The following KCNK12 variants were observed in gnomAD, a reference collection of about 807,000 sequenced individuals.
The protein encoded by KCNK12 is potassium channel subfamily K member 12.
A neutral mutation model predicts 25.3 loss-of-function variants in KCNK12; 6 were observed. The observed-to-expected ratio is 0.24, with a 90% confidence interval of 0.13 to 0.47. The LOEUF (loss-of-function observed/expected upper bound fraction) is 0.47. Ranked by LOEUF, KCNK12 falls within the 20% of genes least tolerant of loss-of-function variation. The probability of loss-of-function intolerance (pLI) is 0.99; values close to 1 mark genes in which losing one functional copy is unlikely to be tolerated. For missense variants in KCNK12, 444 were observed against 661.7 expected (o/e 0.67, Z 3.61); for synonymous variants, 331 against 311.1 (o/e 1.06, Z -0.67).
intron 1 of KCNK12, chr2:47,563,696 G>A (rs1165804808): frequency 4.3e-6 from 1 of 232,908 alleles, no homozygotes; most frequent in Non-Finnish European, 8.5e-6. Context: ...CAGCAGCTCT[G>A]CTCCTATTTG....
chr2:47,521,389 G>C lies in KCNK12; in HGVS notation c.811C>G (p.Arg271Gly). 6.2e-7 allele frequency: 1 copy of C among 1,613,550 alleles called. No individual in the cohort carries two copies. The highest frequency in any genetic ancestry group is 2.2e-5 in the East Asian group (1 of 44,852). Residue 271 changes from arginine to glycine, a missense_variant, in exon 2 of 2, where the codon CGG becomes GGG. By Grantham distance (125) the Arg-to-Gly change is moderately radical. Around this residue, in one of 8 missense-constraint regions of KCNK12, gnomAD observed 56 missense variants for 135.7 expected, o/e 0.41. Coordinates refer to ENST00000327876, the MANE Select transcript of KCNK12 (RefSeq NM_022055.2). ...CCCAGGCGGTAGAGCCCCTGGTTCCGGTAGGCGGCGTGCTGGCTGCTCACC... is the reference window on the plus strand; with the variant it reads ...CCCAGGCGGTAGAGCCCCTGGTTCCCGTAGGCGGCGTGCTGGCTGCTCACC... ...DLVSSQHAAY[R>G]NQGLYRLGNF...
At position 47,514,733 on chromosome 2, in the gene KCNK12, C is replaced by G. The variant is rs1355434433; in HGVS notation, c.*6174G>C. Among the ~76,000 whole-genome samples the G allele has an allele frequency of 3.3e-5, 5 of 152,144 alleles. No individual in the cohort carries two copies. The highest frequency in any genetic ancestry group is 1.2e-4 in the African/African-American group (5 of 41,506). ...TCAGGCGATCCTCCCACCTCAGCCCCCTGAGTCTCTTGGACTCCAGGCGTG... is the reference window on the plus strand; with the variant it reads ...TCAGGCGATCCTCCCACCTCAGCCCGCTGAGTCTCTTGGACTCCAGGCGTG... On this transcript the variant is annotated 3_prime_UTR_variant, in exon 2 of 2. Transcript: ENST00000327876. This position sits in a 1 kb window ranked among gnomAD's most constrained non-coding sequence, Gnocchi z 5.0.
chr2:47,526,240 CA>C (rs57006185), intron 1 of KCNK12, among the ~76,000 whole-genome samples: 46,977 of 127,322 alleles, frequency 0.37, 8,250 homozygotes, highest in East Asian at 0.5. Context: ...CCTAAAAATA[CA>C]AAAAAAAAAA....
intron 1 of KCNK12, among the ~76,000 whole-genome samples, chr2:47,526,616 C>T (rs1201516585): frequency 6.6e-6 from 1 of 151,814 alleles, no homozygotes; most frequent in Admixed American, 6.6e-5. Flanking sequence ...ACTTGTAATC[C>T]CAGCTACTTG....
rs1669794903 is a variant in KCNK12, at chr2:47,566,770, C to G, written c.391+3171G>C. ...TAAATATTGCAATCTCAAACAAGAA[C>G]GTTCCCACCAATTATATGCATGAAA... On this transcript the variant is annotated intron_variant, in intron 1 of 1. Transcript: ENST00000327876. This position sits in a 1 kb window ranked among gnomAD's most constrained non-coding sequence, Gnocchi z 4.1. The G allele has an allele frequency of 6.6e-6, 1 of 152,132 alleles. No individual in the cohort carries two copies. The highest frequency in any genetic ancestry group is 1.5e-5 in the Non-Finnish European group (1 of 68,024). The allele number at this position is 152,132 out of a possible 1,614,324, so 9.4% of individuals were successfully genotyped here.
In KCNK12 at chr2:47,570,171, G is replaced by C; in HGVS notation, c.161C>G (p.Ala54Gly). 1 of 1,484,574 alleles carries C rather than the reference G, an allele frequency of 6.7e-7. No individual in the cohort carries two copies. The highest frequency in any genetic ancestry group is 1.3e-5 in the South Asian group (1 of 79,816). 92.0% of individuals were successfully genotyped at this position (1,484,574 alleles called of 1,614,324 possible). A position where few individuals can be genotyped will look rare whatever the true frequency, so the allele number is the denominator to read the frequency against. ...GCTCTCGAGCGCCGAGAAGACTGTGGCACCCGCCACCAGGTAGAGGCCGAT... is the reference window on the plus strand; with the variant it reads ...GCTCTCGAGCGCCGAGAAGACTGTGCCACCCGCCACCAGGTAGAGGCCGAT... ...ALIGLYLVAG[A>G]TVFSALESPG... Residue 54 changes from alanine to glycine, a missense_variant, in exon 1 of 2, where the codon GCC (alanine) becomes GGC (glycine). Around this residue, in one of 8 missense-constraint regions of KCNK12, gnomAD observed 106 missense variants for 142.2 expected, o/e 0.75. Coordinates refer to ENST00000327876, the MANE Select transcript of KCNK12 (RefSeq NM_022055.2).
At chr2:47,544,416 T>A (rs1669267915) in intron 1 of KCNK12, among the ~76,000 whole-genome samples, 1 of 152,192 alleles carries the variant, frequency 6.6e-6, no homozygotes, top group Non-Finnish European at 1.5e-5. Flanking sequence ...AGAACCACAT[T>A]TGGGAAGACC....
chr2:47,509,320 A>T lies in KCNK12; in HGVS notation c.*11587T>A, dbSNP rs1025293489. ...CACTGAGTGAAAAAGTTTTATTGCC[A>T]AACAGGAAACCTGATTCAGGCCAGG... On this transcript the variant is annotated 3_prime_UTR_variant, in exon 2 of 2. Coordinates refer to ENST00000327876, the MANE Select transcript of KCNK12 (RefSeq NM_022055.2). Among the ~76,000 whole-genome samples the T allele has an allele frequency of 6.6e-6, 1 of 152,242 alleles. No homozygotes were observed. The highest frequency in any genetic ancestry group is 6.5e-5 in the Admixed American group (1 of 15,286).
chr2:47,535,298 C>T, intron 1 of KCNK12: 1 of 233,190 alleles, frequency 4.3e-6, no homozygotes, highest in East Asian at 6.0e-5. Context: ...TGCACCTGCC[C>T]TATGGGCTGG....
rs1426547820 is a variant in KCNK12 at position 47,510,357 on chromosome 2, A to G, written c.*10550T>C. On this transcript the variant is annotated 3_prime_UTR_variant, in exon 2 of 2. Transcript: ENST00000327876. ...ATAAACCTTGATTTTTATTCCTTAAAACTACCCTTCAATGGGTTTTCTGTT... is the reference window on the plus strand; with the variant it reads ...ATAAACCTTGATTTTTATTCCTTAAGACTACCCTTCAATGGGTTTTCTGTT... The G allele has an allele frequency of 6.6e-6, 1 of 152,192 alleles. No homozygotes were observed. Among genetic ancestry groups the G allele is most frequent in the Non-Finnish European group, 1.5e-5 (1 of 68,044 alleles). 9.4% of individuals were successfully genotyped at this position (152,192 alleles called of 1,614,324 possible).
chr2:47,520,702 G>T lies in KCNK12; in HGVS notation c.*205C>A. 2.5e-6 allele frequency: 1 copy of T among 395,608 alleles called. No homozygotes were observed. Among genetic ancestry groups the T allele is most frequent in the Non-Finnish European group, 4.4e-6 (1 of 226,276 alleles). 24.5% of individuals were successfully genotyped at this position (395,608 alleles called of 1,614,324 possible). The stretch of plus-strand genomic sequence containing the variant: ...TGCTGGGGGCCACGGTTCTCCAAGA[G>T]GGGACTCACAAGGAACACAGGCGTC... On this transcript the variant is annotated 3_prime_UTR_variant, in exon 2 of 2. Coordinates refer to ENST00000327876, the MANE Select transcript of KCNK12 (RefSeq NM_022055.2). The surrounding 1 kb of genome is among the most constrained non-coding windows in gnomAD (Gnocchi z 5.0).
At position 47,533,065 on chromosome 2, in the gene KCNK12, C is replaced by T. The variant is rs1423019525; in HGVS notation, c.392-11257G>A. On this transcript the variant is annotated intron_variant, in intron 1 of 1. Coordinates refer to ENST00000327876, the MANE Select transcript of KCNK12 (RefSeq NM_022055.2). The surrounding 1 kb of genome is among the most constrained non-coding windows in gnomAD (Gnocchi z 4.7). ...TCACTCTGTCGCCCAGGCTGGAGTG[C>T]AGTGGTGTGATCTTGGCTCACTGCA... Among the ~76,000 whole-genome samples the T allele has an allele frequency of 2.0e-5, 3 of 152,144 alleles. No homozygotes were observed. The highest frequency in any genetic ancestry group is 7.2e-5 in the African/African-American group (3 of 41,420).
intron 1 of KCNK12, among the ~76,000 whole-genome samples, chr2:47,537,180 A>C (rs1573639310): frequency 6.6e-6 from 1 of 152,326 alleles, no homozygotes; most frequent in South Asian, 2.1e-4. Context: ...AGCCCATAAT[A>C]GCATTTTACT....
intron 1 of KCNK12, among the ~76,000 whole-genome samples, chr2:47,568,166 C>T (rs1422094715): frequency 6.6e-6 from 1 of 152,046 alleles, no homozygotes. Context: ...GCTATGACCA[C>T]CCAATATGTG....
Position 47,569,476 on chromosome 2 carries a change from C to A in KCNK12, c.391+465G>T, listed in dbSNP as rs1481849816. On this transcript the variant is annotated intron_variant, in intron 1 of 1. Coordinates refer to ENST00000327876, the MANE Select transcript of KCNK12 (RefSeq NM_022055.2). This position sits in a 1 kb window ranked among gnomAD's most constrained non-coding sequence, Gnocchi z 4.1. ...CTCTCCAGGGTAAAGGAGTTAGAGG[C>A]CACTGAGGGAGAAAACAGGGTAAAA... Among the ~76,000 whole-genome samples, 2 of 151,846 alleles carry A rather than the reference C, an allele frequency of 1.3e-5. No individual in the cohort carries two copies. The highest frequency in any genetic ancestry group is 1.3e-4 in the Admixed American group (2 of 15,254).
rs1404266796 is a variant in KCNK12, at chr2:47,566,729, G to A, written c.391+3212C>T. ...ACACATACACTCTCTCTCACACTCA[G>A]ACAGACAGACATTATTAAATATTGC... On this transcript the variant is annotated intron_variant, in intron 1 of 1. Transcript: ENST00000327876. This position sits in a 1 kb window ranked among gnomAD's most constrained non-coding sequence, Gnocchi z 4.1. 6.6e-6 allele frequency: 1 copy of A among 152,096 alleles called. No individual in the cohort carries two copies. Among genetic ancestry groups the A allele is most frequent in the Non-Finnish European group, 1.5e-5 (1 of 68,028 alleles). 9.4% of individuals were successfully genotyped at this position (152,096 alleles called of 1,614,324 possible). A position where few individuals can be genotyped will look rare whatever the true frequency, so the allele number is the denominator to read the frequency against.
chr2:47,561,699 C>CCAA (rs978891436), intron 1 of KCNK12, among the ~76,000 whole-genome samples: 20 of 152,302 alleles, frequency 1.3e-4, no homozygotes, highest in African/African-American at 4.8e-4. Flanking sequence ...TTTAAAGTAA[C>CCAA]CCCATGGGGT....
intron 1 of KCNK12, among the ~76,000 whole-genome samples, chr2:47,553,412 G>A (rs574196464): frequency 1.3e-5 from 2 of 152,088 alleles, no homozygotes; most frequent in Admixed American, 6.5e-5. Flanking sequence ...TTTTTGGTGG[G>A]GTGGGGGGGC....
At chr2:47,546,525 C>T (rs1208185052) in intron 1 of KCNK12, among the ~76,000 whole-genome samples, 1 of 152,112 alleles carries the variant, frequency 6.6e-6, no homozygotes, top group South Asian at 2.1e-4. Flanking sequence ...GGTGTGGTAG[C>T]GAGCACCTAT....
Sources: allele counts gnomAD v4.1 joint callset (sites outside exome capture counted in the v4.1 genomes callset), GRCh38; gene constraint gnomAD v4.1.1; regional missense constraint gnomAD v4.1.1; non-coding constraint Gnocchi (gnomAD v3.1); transcripts MANE v1.5; gene names NCBI Gene and HGNC (gene_info 2026-07-23, HGNC 2026-07-21).